The following MAPKAP1 variants were observed in gnomAD, a reference collection of about 807,000 sequenced individuals.
MAPKAP1 encodes target of rapamycin complex 2 subunit MAPKAP1.
In MAPKAP1, 20 loss-of-function variants were observed where a neutral mutation model predicts 65.7. The ratio of observed to expected loss-of-function variants is 0.30; its 90% CI spans 0.21 to 0.44. MAPKAP1 has a LOEUF of 0.44. Among genes scored for constraint, MAPKAP1 ranks in the 20% least tolerant of loss-of-function variants. The pLI is 1.00. For synonymous variants in MAPKAP1, 222 were observed against 244.3 expected, an observed-to-expected ratio of 0.91 and a Z score of 0.85; for missense variants, 423 against 648.0, an observed-to-expected ratio of 0.65 and a Z score of 3.77.
At chr9:125,557,577 C>T (rs549987695) in intron 6 of MAPKAP1, among the ~76,000 whole-genome samples, 1 of 152,202 alleles carries the variant, frequency 6.6e-6, no homozygotes, top group South Asian at 2.1e-4. Context: ...ACTTACAAGG[C>T]ATGATCCTAA....
chr9:125,560,143 G>A (rs1184172452), intron 5 of MAPKAP1, among the ~76,000 whole-genome samples: 1 of 152,126 alleles, frequency 6.6e-6, no homozygotes, highest in African/African-American at 2.4e-5. Flanking sequence ...AGCATAGTAG[G>A]GAGGAAAAGT....
At chr9:125,565,365 T>C (rs1831018624) in intron 5 of MAPKAP1, 1 of 161,862 alleles carries the variant, frequency 6.2e-6, no homozygotes, top group African/African-American at 2.4e-5. Context: ...GCATGTTCAA[T>C]TTACATACTC....
chr9:125,506,036 G>A, intron 8 of MAPKAP1: 1 of 476,018 alleles, frequency 2.1e-6, no homozygotes, highest in Admixed American at 3.3e-5. Context: ...ATGCTTCTAA[G>A]CTGTTTCCAG....
At chr9:125,701,910 A>G (rs1453829818) in intron 1 of MAPKAP1, among the ~76,000 whole-genome samples, 1 of 152,160 alleles carries the variant, frequency 6.6e-6, no homozygotes, top group African/African-American at 2.4e-5. Flanking sequence ...GCCCCCTCAC[A>G]CTGGCAATTT....
At chr9:125,679,386 TAA>T (rs1438194147) in intron 1 of MAPKAP1, among the ~76,000 whole-genome samples, 1 of 152,092 alleles carries the variant, frequency 6.6e-6, no homozygotes, top group Admixed American at 6.6e-5. Context: ...GTGAAAGACA[TAA>T]GAGAGCAAAT....
In MAPKAP1 at chr9:125,444,487, G is replaced by A. The variant is rs1362391497; in HGVS notation, c.1443+14C>T. The A allele has an allele frequency of 6.3e-7, 1 of 1,598,512 alleles. No individual in the cohort carries two copies. Among genetic ancestry groups the A allele is most frequent in the Non-Finnish European group, 8.6e-7 (1 of 1,167,610 alleles). ...CCCACCTACCCTGTCTCTGGTTCAA[G>A]AAGGAATACTCACCTTGAGCACAAT... On this transcript the variant is annotated intron_variant, in intron 11 of 11. Coordinates refer to ENST00000265960, the MANE Select transcript of MAPKAP1 (RefSeq NM_001006617.3).
intron 4 of MAPKAP1, among the ~76,000 whole-genome samples, chr9:125,586,380 A>G (rs1399095235): frequency 6.6e-6 from 1 of 152,134 alleles, no homozygotes; most frequent in East Asian, 1.9e-4. Flanking sequence ...TGCTGCGCTA[A>G]TCAGCAAACA....
intron 8 of MAPKAP1, among the ~76,000 whole-genome samples, chr9:125,497,778 A>T (rs1564531680): frequency 6.6e-6 from 1 of 152,252 alleles, no homozygotes; most frequent in African/African-American, 2.4e-5. Context: ...ACACTTTGTT[A>T]GTATTCCATA....
rs564501578 is a variant in MAPKAP1, at chr9:125,665,181, G to A, written c.349+4637C>T. ...AAATTAGCCAAGCATGGTGGCACAC[G>A]CCTGTAATCCTAGCCACTAGGGAGG... On this transcript the variant is annotated intron_variant, in intron 3 of 11. Coordinates refer to ENST00000265960, the MANE Select transcript of MAPKAP1 (RefSeq NM_001006617.3). Among the ~76,000 whole-genome samples the A allele has an allele frequency of 2.5e-4, 38 of 152,154 alleles. 3 individuals are homozygous for A. The highest frequency in any genetic ancestry group is 2.2e-3 in the Admixed American group (33 of 15,280).
At chr9:125,666,757 A>C (rs1418214306) in intron 3 of MAPKAP1, among the ~76,000 whole-genome samples, 1 of 152,250 alleles carries the variant, frequency 6.6e-6, no homozygotes. Flanking sequence ...ATGGCTGCTC[A>C]GTTTGCCAGG....
At position 125,664,009 on chromosome 9, in the gene MAPKAP1, A is replaced by G. The variant is rs140649083; in HGVS notation, c.349+5809T>C. On this transcript the variant is annotated intron_variant, in intron 3 of 11. Coordinates refer to ENST00000265960, the MANE Select transcript of MAPKAP1 (RefSeq NM_001006617.3). ...CTTATGCATGGAACATACTAGAACT[A>G]TAAGAATTTAGGGAGCAGCGGGATA... is the stretch of plus-strand genomic sequence containing the variant. Among the ~76,000 whole-genome samples the G allele has an allele frequency of 2.3e-4, 35 of 152,326 alleles. No homozygotes were observed. In the East Asian group the frequency reaches 6.5e-3, roughly 29 times the overall value.
In MAPKAP1 at chr9:125,686,265, T is replaced by C. The variant is rs547931761; in HGVS notation, c.-69-13622A>G. ...AGGCGGAGCTTGCAGTGGACCGAGA[T>C]AGAGCCACTGCACTCCAGCCCGGGC... On this transcript the variant is annotated intron_variant, in intron 1 of 11. Coordinates refer to ENST00000265960, the MANE Select transcript of MAPKAP1 (RefSeq NM_001006617.3). Among the ~76,000 whole-genome samples, 597 of 133,722 alleles carry C rather than the reference T, an allele frequency of 4.5e-3. 4 individuals carry two copies. The highest frequency in any genetic ancestry group is 0.016 in the African/African-American group (568 of 34,756). The allele number at this position is 133,722 out of a possible 152,430, so 87.7% of individuals were successfully genotyped here. A position where few individuals can be genotyped will look rare whatever the true frequency, so the allele number is the denominator to read the frequency against.
At chr9:125,682,459 G>A (rs1834852565) in intron 1 of MAPKAP1, among the ~76,000 whole-genome samples, 1 of 152,144 alleles carries the variant, frequency 6.6e-6, no homozygotes, top group African/African-American at 2.4e-5. Context: ...TAATGTTTAT[G>A]TGCTAGCAAT....
chr9:125,615,087 T>A (rs1832708136), intron 4 of MAPKAP1, among the ~76,000 whole-genome samples: 2 of 152,180 alleles, frequency 1.3e-5, no homozygotes. Flanking sequence ...AGAAATCAAC[T>A]ACATTTCTAT....
intron 6 of MAPKAP1, among the ~76,000 whole-genome samples, chr9:125,552,885 C>A (rs1183299742): frequency 1.3e-5 from 2 of 152,046 alleles, no homozygotes; most frequent in Admixed American, 1.3e-4. Context: ...TAGTGAGACA[C>A]TGTCTCTAAA....
intron 7 of MAPKAP1, among the ~76,000 whole-genome samples, chr9:125,518,094 T>C (rs1197444511): frequency 6.6e-6 from 1 of 152,244 alleles, no homozygotes; most frequent in Non-Finnish European, 1.5e-5. Flanking sequence ...AACAATCTAC[T>C]TCTTCTAGCT....
chr9:125,649,360 T>C (rs150938596), intron 4 of MAPKAP1, among the ~76,000 whole-genome samples: 1 of 152,294 alleles, frequency 6.6e-6, no homozygotes, highest in Non-Finnish European at 1.5e-5. Flanking sequence ...CCTCCAACAA[T>C]TACAATCAAC....
intron 3 of MAPKAP1, among the ~76,000 whole-genome samples, chr9:125,665,912 C>G (rs528791960): frequency 6.6e-6 from 1 of 152,090 alleles, no homozygotes; most frequent in Non-Finnish European, 1.5e-5. Flanking sequence ...GCATAAGAAG[C>G]CTTATTTGCC....
At chr9:125,507,137 C>T (rs1420226425) in intron 7 of MAPKAP1, among the ~76,000 whole-genome samples, 1 of 152,216 alleles carries the variant, frequency 6.6e-6, no homozygotes, top group Non-Finnish European at 1.5e-5. Flanking sequence ...GGAATACTAG[C>T]TACCCTGCAT....
Sources: gnomAD v4.1 joint callset for allele counts (sites outside exome capture counted in the v4.1 genomes callset) on GRCh38, gnomAD v4.1.1 for gene constraint, MANE v1.5 for transcripts, NCBI Gene and HGNC (gene_info 2026-07-23, HGNC 2026-07-21) for gene names.